DTD1: variants seen among roughly 807,000 people sequenced by gnomAD.
DTD1 encodes D-aminoacyl-tRNA deacylase 1.
A neutral mutation model predicts 25.6 loss-of-function variants in DTD1; 13 were observed. The observed-to-expected ratio is 0.51, with a 90% CI of 0.33 to 0.81. DTD1 has a LOEUF of 0.81. DTD1 is among the 30% of genes least tolerant of loss of function. The probability of loss-of-function intolerance (pLI) is 0.02; values close to 1 mark genes in which losing one functional copy is unlikely to be tolerated. For synonymous variants in DTD1, 110 were observed against 103.6 expected (o/e 1.06, Z -0.37); for missense variants, 193 against 266.4 (o/e 0.72, Z 1.92).
chr20:18,666,961 C>T (rs1423258731), intron 4 of DTD1, among the ~76,000 whole-genome samples: 2 of 152,114 alleles, frequency 1.3e-5, no homozygotes, highest in African/African-American at 2.4e-5. Context: ...GGGAAGAAGG[C>T]GCTGCTCCTG....
intron 2 of DTD1, among the ~76,000 whole-genome samples, chr20:18,595,265 CTTTCTTTTTTT>C (rs1015381890): frequency 1.1e-4 from 16 of 151,912 alleles, no homozygotes; most frequent in African/African-American, 3.6e-4. Flanking sequence ...CTGAATTGTT[CTTTCTTTTTTT>C]TTTCTTTTGA....
chr20:18,748,835 G>C (rs1227673825), intron 5 of DTD1, among the ~76,000 whole-genome samples: 1 of 152,170 alleles, frequency 6.6e-6, no homozygotes, highest in Non-Finnish European at 1.5e-5. Flanking sequence ...AGAACTTGGG[G>C]TCAGTGGTGC....
intron 4 of DTD1, among the ~76,000 whole-genome samples, chr20:18,734,118 G>A (rs2061247999): frequency 6.6e-6 from 1 of 152,230 alleles, no homozygotes; most frequent in African/African-American, 2.4e-5. Context: ...ATGTACGGAT[G>A]TAGGTCTCTA....
chr20:18,647,125 C>T (rs73902826), intron 4 of DTD1, among the ~76,000 whole-genome samples: 1,703 of 152,300 alleles, frequency 0.011, 28 homozygotes, highest in African/African-American at 0.031. Flanking sequence ...TAATTTTCAT[C>T]GCGAATATCT....
intron 4 of DTD1, among the ~76,000 whole-genome samples, chr20:18,701,133 G>T (rs1231239177): frequency 2.0e-5 from 3 of 152,194 alleles, no homozygotes; most frequent in Non-Finnish European, 2.9e-5. Flanking sequence ...GCAGGGTTCT[G>T]TTCCCACACA....
chr20:18,674,465 T>TAC (rs2060962529), intron 4 of DTD1: 1 of 152,192 alleles, frequency 6.6e-6, no homozygotes, highest in South Asian at 2.1e-4. Flanking sequence ...AACTTAAAGG[T>TAC]ACATCAAAGG....
intron 4 of DTD1, among the ~76,000 whole-genome samples, chr20:18,703,488 C>G (rs552506197): frequency 6.6e-6 from 1 of 152,040 alleles, no homozygotes; most frequent in African/African-American, 2.4e-5. Flanking sequence ...TTATTTTTCT[C>G]TTCTCTCTTT....
At chr20:18,623,300 T>C (rs2060743872) in intron 3 of DTD1, among the ~76,000 whole-genome samples, 1 of 152,168 alleles carries the variant, frequency 6.6e-6, no homozygotes. Context: ...ATTAATTTTC[T>C]CATGTCTTTT....
At chr20:18,596,681 G>T (rs536327303) in intron 3 of DTD1, among the ~76,000 whole-genome samples, 2 of 150,842 alleles carry the variant, frequency 1.3e-5, no homozygotes, top group Non-Finnish European at 2.9e-5. Context: ...TTCAAAATAT[G>T]ATTTTACTAT....
At chr20:18,588,819 C>T (rs2060577001) in intron 1 of DTD1, 2 of 985,234 alleles carry the variant, frequency 2.0e-6, no homozygotes, top group African/African-American at 1.7e-5. Context: ...GCACTTTCGT[C>T]TCGGTTGGGC....
intron 5 of DTD1, among the ~76,000 whole-genome samples, chr20:18,752,897 A>G (rs2061325924): frequency 1.3e-5 from 2 of 152,176 alleles, no homozygotes. Context: ...GCAGAGTAGC[A>G]TGTTATATTA....
chr20:18,698,856 G>A (rs1045312805), intron 4 of DTD1: 1 of 152,238 alleles, frequency 6.6e-6, no homozygotes, highest in African/African-American at 2.4e-5. Flanking sequence ...AGGGACTCCA[G>A]GGCTGGTTAC....
intron 4 of DTD1, among the ~76,000 whole-genome samples, chr20:18,715,204 A>G (rs1287129539): frequency 6.6e-6 from 1 of 151,912 alleles, no homozygotes; most frequent in Non-Finnish European, 1.5e-5. Context: ...CATTTCCCCC[A>G]GGGTCAGAAC....
intron 3 of DTD1, among the ~76,000 whole-genome samples, chr20:18,615,864 C>G (rs977836924): frequency 3.9e-5 from 6 of 152,230 alleles, no homozygotes; most frequent in African/African-American, 1.4e-4. Flanking sequence ...GCCCGTGCCT[C>G]TCCCGCTTCA....
chr20:18,663,170 T>G (rs2060918151), intron 4 of DTD1, among the ~76,000 whole-genome samples: 1 of 152,168 alleles, frequency 6.6e-6, no homozygotes, highest in African/African-American at 2.4e-5. Context: ...TGGGATGCCC[T>G]AATAGGGCTG....
At chr20:18,742,936 A>G (rs1278659388) in intron 4 of DTD1, among the ~76,000 whole-genome samples, 1 of 152,210 alleles carries the variant, frequency 6.6e-6, no homozygotes, top group East Asian at 1.9e-4. Flanking sequence ...TAAACTAGAA[A>G]AAGTTCACAG....
chr20:18,692,035 A>T (rs1200121740), intron 4 of DTD1: 1 of 152,214 alleles, frequency 6.6e-6, no homozygotes, highest in Admixed American at 6.5e-5. Context: ...AAGGAAAAAA[A>T]AATTAGCACC....
At chr20:18,692,308 A>G (rs568108337) in intron 4 of DTD1, among the ~76,000 whole-genome samples, 8 of 152,306 alleles carry the variant, frequency 5.3e-5, no homozygotes, top group African/African-American at 1.9e-4. Context: ...AGGTAATGAA[A>G]TGGTTTCTAA....
rs535266742 is a variant in DTD1 at position 18,716,608 on chromosome 20, T to C, written c.478-27492T>C. Among the ~76,000 whole-genome samples the C allele has an allele frequency of 4.6e-5, 7 of 152,324 alleles. No homozygotes were observed. In the South Asian group the frequency reaches 1.2e-3, roughly 27 times the overall value. On this transcript the variant is annotated intron_variant, in intron 4 of 5. Transcript: ENST00000377452. ...TTAGAAGGGAGATGTCACAGTCTTTTAAAAATAGTAAGATAGGCCAGCCTG... is the reference window on the plus strand; with the variant it reads ...TTAGAAGGGAGATGTCACAGTCTTTCAAAAATAGTAAGATAGGCCAGCCTG...
Sources: allele counts gnomAD v4.1 joint callset (sites outside exome capture counted in the v4.1 genomes callset), GRCh38; gene constraint gnomAD v4.1.1; transcripts MANE v1.5; gene names NCBI Gene and HGNC (gene_info 2026-07-23, HGNC 2026-07-21).